The following CELF4 variants were observed in gnomAD, a reference collection of about 807,000 sequenced individuals.
CELF4 encodes CUG-BP- and ETR-3-like factor 4.
In CELF4, 18 loss-of-function variants were observed where a neutral mutation model predicts 59.9. The observed-to-expected ratio is 0.30, with a 90% CI of 0.21 to 0.45. The LOEUF (loss-of-function observed/expected upper bound fraction) is 0.45, where lower values mean the gene tolerates loss of function less well. Ranked by LOEUF, CELF4 falls within the 20% of genes least tolerant of loss-of-function variation. The probability of loss-of-function intolerance (pLI) is 1.00; values close to 1 mark genes in which losing one functional copy is unlikely to be tolerated. For missense variants in CELF4, 456 were observed against 689.0 expected, an observed-to-expected ratio of 0.66 and a Z score of 3.79; for synonymous variants, 261 against 267.1, an observed-to-expected ratio of 0.98 and a Z score of 0.22.
intron 1 of CELF4, among the ~76,000 whole-genome samples, chr18:37,500,106 A>G (rs1369995793): frequency 1.3e-5 from 2 of 152,322 alleles, no homozygotes; most frequent in Middle Eastern, 3.4e-3. Context: ...GTAAGTCAAC[A>G]GATGGAGGTG....
At chr18:37,508,596 C>A (rs12607531) in intron 1 of CELF4, among the ~76,000 whole-genome samples, 25,472 of 152,250 alleles carry the variant, frequency 0.17, 2,198 homozygotes, top group South Asian at 0.24. Flanking sequence ...CTGTTCTCCA[C>A]GCTGACAAAT....
chr18:37,320,279 T>C (rs1159432510), intron 3 of CELF4, among the ~76,000 whole-genome samples: 6 of 130,762 alleles, frequency 4.6e-5, no homozygotes. Context: ...GAGCTTGCAG[T>C]GAGCCGAGAT....
chr18:37,378,721 C>T (rs770374841), intron 2 of CELF4, among the ~76,000 whole-genome samples: 1 of 152,156 alleles, frequency 6.6e-6, no homozygotes, highest in Non-Finnish European at 1.5e-5. Context: ...CTGGGAAAGC[C>T]GGTCTGAGCT....
At chr18:37,383,172 C>A (rs962387734) in intron 2 of CELF4, among the ~76,000 whole-genome samples, 1 of 152,144 alleles carries the variant, frequency 6.6e-6, no homozygotes, top group African/African-American at 2.4e-5. Context: ...TAGGCATGAG[C>A]CACTGTACCC....
At chr18:37,491,190 C>G (rs1243978977) in intron 1 of CELF4, among the ~76,000 whole-genome samples, 1 of 136,038 alleles carries the variant, frequency 7.4e-6, no homozygotes, top group Non-Finnish European at 1.7e-5. Flanking sequence ...CCCACCTCCT[C>G]TCCTCACCTG....
intron 2 of CELF4, among the ~76,000 whole-genome samples, chr18:37,391,179 G>A (rs141554603): frequency 9.5e-4 from 144 of 152,270 alleles, no homozygotes; most frequent in Admixed American, 2.1e-3. Flanking sequence ...GAAGCAGGCA[G>A]GGAGAGAAGC....
In CELF4 at chr18:37,361,687, C is replaced by T. The variant is rs184585742; in HGVS notation, c.370-39806G>A. ...CTGCAGCTCCCTTCAGCTTTATTCC[C>T]GCCTCTTTCCCTCCTAAGGGGTCAC... On this transcript the variant is annotated intron_variant, in intron 2 of 12. Coordinates refer to ENST00000420428, the MANE Select transcript of CELF4 (RefSeq NM_020180.4). Among the ~76,000 whole-genome samples, 242 of 151,700 alleles carry T rather than the reference C, an allele frequency of 1.6e-3. 5 individuals carry two copies. Among genetic ancestry groups the T allele is most frequent in the Admixed American group, 0.013 (195 of 15,262 alleles).
rs2061647471 is a variant in CELF4, at chr18:37,245,364, A to G, written c.*45-167T>C. Among the ~76,000 whole-genome samples the G allele has an allele frequency of 6.6e-6, 1 of 152,098 alleles. No homozygotes were observed. The highest frequency in any genetic ancestry group is 2.4e-5 in the African/African-American group (1 of 41,404). ...ATTAGTCATGATCATGATACATTAA[A>G]AAGAAATATACTCTTCTATTCAGAG... On this transcript the variant is annotated intron_variant, in intron 12 of 12. Transcript: ENST00000420428. The surrounding 1 kb of genome is among the most constrained non-coding windows in gnomAD (Gnocchi z 4.1).
At chr18:37,360,444 G>A (rs1293863377) in intron 2 of CELF4, among the ~76,000 whole-genome samples, 1 of 152,200 alleles carries the variant, frequency 6.6e-6, no homozygotes, top group African/African-American at 2.4e-5. Context: ...CCCTGAGTGG[G>A]GGGATCCCCA....
intron 2 of CELF4, among the ~76,000 whole-genome samples, chr18:37,406,290 C>G (rs1269715207): frequency 6.6e-6 from 1 of 152,146 alleles, no homozygotes; most frequent in Non-Finnish European, 1.5e-5. Flanking sequence ...GAGCCCCACA[C>G]ATGCACCCCA....
intron 3 of CELF4, among the ~76,000 whole-genome samples, chr18:37,297,282 T>G (rs1332818901): frequency 6.6e-6 from 1 of 152,198 alleles, no homozygotes; most frequent in East Asian, 1.9e-4. Context: ...CCAAGGGGCC[T>G]TGAATCCCAC....
At chr18:37,345,378 C>CAG (rs2098216039) in intron 2 of CELF4, among the ~76,000 whole-genome samples, 1 of 152,016 alleles carries the variant, frequency 6.6e-6, no homozygotes, top group Non-Finnish European at 1.5e-5. Flanking sequence ...GAGGGCAGAA[C>CAG]AGAGGGTAAG....
chr18:37,381,866 C>G (rs867114359), intron 2 of CELF4, among the ~76,000 whole-genome samples: 23 of 152,164 alleles, frequency 1.5e-4, no homozygotes, highest in Admixed American at 1.2e-3. Context: ...TGCTTTACCA[C>G]TGGCAAGTCT....
chr18:37,260,520 A>G (rs186492837), intron 10 of CELF4, among the ~76,000 whole-genome samples: 29 of 152,288 alleles, frequency 1.9e-4, no homozygotes, highest in African/African-American at 7.0e-4. Context: ...CTGGAAACCT[A>G]GGCATGAGCT....
chr18:37,529,492 A>G (rs564565291), intron 1 of CELF4, among the ~76,000 whole-genome samples: 2 of 152,362 alleles, frequency 1.3e-5, no homozygotes, highest in African/African-American at 4.8e-5. Flanking sequence ...GGCACATCCA[A>G]TAGCTCAGCA....
At chr18:37,492,285 C>T (rs2099908385) in intron 1 of CELF4, among the ~76,000 whole-genome samples, 1 of 152,180 alleles carries the variant, frequency 6.6e-6, no homozygotes, top group Admixed American at 6.5e-5. Context: ...CCCAAATCTC[C>T]ACTCATCCAC....
intron 1 of CELF4, among the ~76,000 whole-genome samples, chr18:37,487,352 C>A (rs553694479): frequency 6.6e-6 from 1 of 152,166 alleles, no homozygotes; most frequent in Non-Finnish European, 1.5e-5. Flanking sequence ...GCCTGGGAGA[C>A]AGAAACTCTC....
chr18:37,390,667 A>G (rs912794027), intron 2 of CELF4, among the ~76,000 whole-genome samples: 1 of 151,782 alleles, frequency 6.6e-6, no homozygotes, highest in Non-Finnish European at 1.5e-5. Flanking sequence ...GTAAATACTT[A>G]CTGACTGGCT....
chr18:37,306,646 C>T (rs1049277172), intron 3 of CELF4, among the ~76,000 whole-genome samples: 9 of 152,186 alleles, frequency 5.9e-5, no homozygotes, highest in African/African-American at 2.2e-4. Context: ...GGGGTCCCAG[C>T]CTTGTGCTTG....
Sources: allele counts gnomAD v4.1 joint callset (sites outside exome capture counted in the v4.1 genomes callset), GRCh38; gene constraint gnomAD v4.1.1; non-coding constraint Gnocchi (gnomAD v3.1); transcripts MANE v1.5; gene names NCBI Gene and HGNC (gene_info 2026-07-23, HGNC 2026-07-21).